The following CDH12 variants were observed in gnomAD, a reference collection of about 807,000 sequenced individuals.
CDH12 encodes cadherin-12.
Under a neutral mutation model 74.1 loss-of-function variants are expected in CDH12, and 41 were observed. That is an observed-to-expected ratio of 0.55 (90% CI 0.43 to 0.72). CDH12 has a LOEUF of 0.72. Ranked by LOEUF, CDH12 falls within the 30% of genes least tolerant of loss-of-function variation. CDH12 has a pLI of 0.00. For synonymous variants in CDH12, 399 were observed against 355.0 expected, an observed-to-expected ratio of 1.12 and a Z score of -1.39; for missense variants, 945 against 977.2, an observed-to-expected ratio of 0.97 and a Z score of 0.44.
At chr5:22,628,660 T>A (rs1221375851) in intron 1 of CDH12, among the ~76,000 whole-genome samples, 1 of 151,972 alleles carries the variant, frequency 6.6e-6, no homozygotes, top group East Asian at 1.9e-4. Flanking sequence ...AGATCTCAAA[T>A]GAACAACATA....
chr5:22,171,171 A>G (rs945264446), intron 4 of CDH12, among the ~76,000 whole-genome samples: 1 of 151,876 alleles, frequency 6.6e-6, no homozygotes, highest in Non-Finnish European at 1.5e-5. Context: ...TCCTGGCCAC[A>G]TGCTGCAAAA....
chr5:22,467,477 A>AT (rs1745784151), intron 2 of CDH12, among the ~76,000 whole-genome samples: 1 of 152,174 alleles, frequency 6.6e-6, no homozygotes, highest in Non-Finnish European at 1.5e-5. Context: ...CATACTTTGC[A>AT]TTACATTCAT....
chr5:21,999,738 C>T (rs1482831229), intron 5 of CDH12, among the ~76,000 whole-genome samples: 1 of 151,042 alleles, frequency 6.6e-6, no homozygotes, highest in African/African-American at 2.4e-5. Context: ...TATATATACT[C>T]AGCACTAGTG....
In CDH12 at chr5:21,859,630, G is replaced by C. The variant is rs148084825; in HGVS notation, c.527-4840C>G. ...CAAACTTCTTGCTTCCTGTTTCTGC[G>C]ACATTACATTCTGCTGGCCTAGTAG... On this transcript the variant is annotated intron_variant, in intron 6 of 14. Transcript: ENST00000382254. Among the ~76,000 whole-genome samples, 128 of 152,012 alleles carry C rather than the reference G, an allele frequency of 8.4e-4. No individual in the cohort carries two copies. The Middle Eastern group carries it at 0.024, about 28-fold the overall frequency.
chr5:22,088,867 A>G (rs948991125), intron 4 of CDH12, among the ~76,000 whole-genome samples: 1 of 152,166 alleles, frequency 6.6e-6, no homozygotes, highest in African/African-American at 2.4e-5. Context: ...ACCGCATGGC[A>G]TGAGGCAGTT....
chr5:22,632,391 T>G (rs1207158378), intron 1 of CDH12, among the ~76,000 whole-genome samples: 2 of 151,904 alleles, frequency 1.3e-5, no homozygotes, highest in Admixed American at 6.6e-5. Context: ...AAAAAAGAAC[T>G]GAAAAATTGT....
Position 21,750,729 on chromosome 5 carries a change from A to C in CDH12, c.*1008T>G, listed in dbSNP as rs1368970203. 1 of 152,142 alleles carries C rather than the reference A, an allele frequency of 6.6e-6. No homozygotes were observed. Among genetic ancestry groups the C allele is most frequent in the Admixed American group, 6.6e-5 (1 of 15,258 alleles). 9.4% of individuals were successfully genotyped at this position (152,142 alleles called of 1,614,324 possible). A position where few individuals can be genotyped will look rare whatever the true frequency, so the allele number is the denominator to read the frequency against. On this transcript the variant is annotated 3_prime_UTR_variant, in exon 15 of 15. Coordinates refer to ENST00000382254, the MANE Select transcript of CDH12 (RefSeq NM_004061.5). Reference sequence around the variant, plus strand: ...GTAAGAAACTCTGAGAAACTGTATAATGAATTTCTCTTTCCATGCTTAAAT... The same window carrying C: ...GTAAGAAACTCTGAGAAACTGTATACTGAATTTCTCTTTCCATGCTTAAAT...
At chr5:22,612,948 AT>A (rs1737485838) in intron 1 of CDH12, among the ~76,000 whole-genome samples, 1 of 152,150 alleles carries the variant, frequency 6.6e-6, no homozygotes, top group Non-Finnish European at 1.5e-5. Context: ...AATTTGAAAA[AT>A]CTACAGATAA....
intron 1 of CDH12, among the ~76,000 whole-genome samples, chr5:22,802,621 C>G (rs1473640316): frequency 6.6e-6 from 1 of 151,958 alleles, no homozygotes; most frequent in Non-Finnish European, 1.5e-5. Flanking sequence ...TTTGCCAGGT[C>G]GAGGCTTGTA....
chr5:21,873,620 T>A (rs1186677431), intron 6 of CDH12, among the ~76,000 whole-genome samples: 4 of 152,172 alleles, frequency 2.6e-5, no homozygotes, highest in Non-Finnish European at 5.9e-5. Context: ...GTGCTATTTT[T>A]TAAAAATTTT....
chr5:21,870,254 C>T (rs777257365), intron 6 of CDH12, among the ~76,000 whole-genome samples: 6 of 152,006 alleles, frequency 3.9e-5, no homozygotes, highest in Admixed American at 3.3e-4. Flanking sequence ...TGGTCTAATA[C>T]ACCTAGAGAA....
At chr5:22,471,240 G>C (rs1203268492) in intron 2 of CDH12, among the ~76,000 whole-genome samples, 1 of 152,106 alleles carries the variant, frequency 6.6e-6, no homozygotes, top group African/African-American at 2.4e-5. Flanking sequence ...TGGGTGTTCT[G>C]CCAACAACCA....
At chr5:22,521,614 G>A (rs1161398387) in intron 1 of CDH12, among the ~76,000 whole-genome samples, 2 of 152,258 alleles carry the variant, frequency 1.3e-5, no homozygotes, top group East Asian at 3.9e-4. Context: ...TTATAGTAAT[G>A]TTTGTTTATT....
At position 22,339,652 on chromosome 5, in the gene CDH12, A is replaced by C. The variant is rs185358626; in HGVS notation, c.-333+65605T>G. 1.4e-4 allele frequency among the ~76,000 whole-genome samples: 22 copies of C among 152,302 alleles called. No homozygotes were observed. In the East Asian group the frequency reaches 4.3e-3, roughly 29 times the overall value. On this transcript the variant is annotated intron_variant, in intron 3 of 14. Transcript: ENST00000382254. Reference sequence around the variant, plus strand: ...AATAAATGTAACTACAAAAGGGATAATCTAGCTTTAATTTATTTTATTCAT... The same window carrying C: ...AATAAATGTAACTACAAAAGGGATACTCTAGCTTTAATTTATTTTATTCAT...
intron 3 of CDH12, among the ~76,000 whole-genome samples, chr5:22,264,725 C>A (rs1201582965): frequency 1.3e-5 from 2 of 152,092 alleles, no homozygotes; most frequent in Non-Finnish European, 2.9e-5. Flanking sequence ...ACAATTACAG[C>A]TAATATATTG....
chr5:22,551,962 C>T (rs1286011174), intron 1 of CDH12, among the ~76,000 whole-genome samples: 2 of 149,446 alleles, frequency 1.3e-5, no homozygotes, highest in Non-Finnish European at 3.0e-5. Context: ...TACTACTAAA[C>T]ATTTTAATAG....
chr5:22,067,415 T>A (rs1356278026), intron 5 of CDH12, among the ~76,000 whole-genome samples: 7 of 152,166 alleles, frequency 4.6e-5, no homozygotes, highest in Admixed American at 4.6e-4. Context: ...ACTTAGTAGA[T>A]CCTTTGGGAT....
At chr5:22,041,902 T>C (rs919480320) in intron 5 of CDH12, among the ~76,000 whole-genome samples, 1 of 152,164 alleles carries the variant, frequency 6.6e-6, no homozygotes, top group Non-Finnish European at 1.5e-5. Flanking sequence ...GTCCATATGT[T>C]AGGCCAAAAC....
chr5:21,922,394 A>T (rs1754393325), intron 6 of CDH12, among the ~76,000 whole-genome samples: 3 of 152,160 alleles, frequency 2.0e-5, no homozygotes, highest in African/African-American at 7.2e-5. Flanking sequence ...TAATGGCTAA[A>T]ATTATTTCCT....
Sources: gnomAD v4.1 joint callset for allele counts (sites outside exome capture counted in the v4.1 genomes callset) on GRCh38, gnomAD v4.1.1 for gene constraint, MANE v1.5 for transcripts, NCBI Gene and HGNC (gene_info 2026-07-23, HGNC 2026-07-21) for gene names.